The following ARRB1 variants were observed in gnomAD, a reference collection of about 807,000 sequenced individuals.
The protein encoded by ARRB1 is arrestin beta 1.
A neutral mutation model predicts 56.8 loss-of-function variants in ARRB1; 21 were observed. The ratio of observed to expected loss-of-function variants is 0.37; its 90% CI spans 0.26 to 0.53. The LOEUF (loss-of-function observed/expected upper bound fraction) is 0.53, where lower values mean the gene tolerates loss of function less well. Among genes scored for constraint, ARRB1 ranks in the 20% least tolerant of loss-of-function variants. ARRB1 has a pLI of 0.88. For synonymous variants in ARRB1, 210 were observed against 218.6 expected (o/e 0.96, Z 0.35); for missense variants, 424 against 553.7 (o/e 0.77, Z 2.35).
chr11:75,311,567 C>T (rs1947159758), intron 1 of ARRB1, among the ~76,000 whole-genome samples: 1 of 152,244 alleles, frequency 6.6e-6, no homozygotes, highest in African/African-American at 2.4e-5. Context: ...GCAGACTGCA[C>T]ATTTCAAAAA....
intron 2 of ARRB1, 124 bp from the exon 3 acceptor site, chr11:75,287,499 T>C: frequency 2.1e-6 from 2 of 935,438 alleles, no homozygotes; most frequent in Non-Finnish European, 3.1e-6. Flanking sequence ...CTTATCAAAA[T>C]CCTAAGTGGA....
chr11:75,306,635 G>A (rs1018958509), intron 1 of ARRB1: 3 of 1,288,980 alleles, frequency 2.3e-6, no homozygotes, highest in Non-Finnish European at 3.0e-6. Flanking sequence ...GGACTGTGAG[G>A]TGGAGGGAGC....
At chr11:75,339,738 G>A (rs1279648461) in intron 1 of ARRB1, among the ~76,000 whole-genome samples, 1 of 152,170 alleles carries the variant, frequency 6.6e-6, no homozygotes, top group African/African-American at 2.4e-5. Context: ...CATCTGAGCA[G>A]CATGAGGGCA....
At position 75,326,835 on chromosome 11, in the gene ARRB1, G is replaced by C. The variant is rs544749476; in HGVS notation, c.20+24753C>G. 2.7e-5 allele frequency among the ~76,000 whole-genome samples: 4 copies of C among 149,720 alleles called. No individual in the cohort carries two copies. In the South Asian group the frequency reaches 8.5e-4, roughly 32 times the overall value. On this transcript the variant is annotated intron_variant, in intron 1 of 15. Transcript: ENST00000420843. ...ACCTCCTACCTCAGCCTCTCGAGTA[G>C]CTGGGACTACAGGCATGCCCCACCA...
chr11:75,340,306 C>T (rs1947675116), intron 1 of ARRB1, among the ~76,000 whole-genome samples: 2 of 152,228 alleles, frequency 1.3e-5, no homozygotes, highest in Admixed American at 1.3e-4. Flanking sequence ...ACCCCAGAGG[C>T]CTGCACTGAG....
rs777551690 is a variant in ARRB1 at position 75,281,912 on chromosome 11, G to A, written c.414+50C>T. On this transcript the variant is annotated intron_variant, in intron 6 of 15. Transcript: ENST00000420843. ...CCCAGGGAGAAAGCCAGGGACCTGG[G>A]GACATGAGACTCCTGGAGCCAGAGA... 5 of 1,583,252 alleles carry A rather than the reference G, an allele frequency of 3.2e-6. No individual in the cohort carries two copies. In the South Asian group the frequency reaches 5.5e-5, roughly 18 times the overall value.
chr11:75,348,622 G>T (rs1947806785), intron 1 of ARRB1, among the ~76,000 whole-genome samples: 1 of 151,414 alleles, frequency 6.6e-6, no homozygotes, highest in African/African-American at 2.4e-5. Flanking sequence ...TTTTCAGACA[G>T]GGTCTCACTC....
At chr11:75,280,161 C>G (rs918000986) in intron 7 of ARRB1, among the ~76,000 whole-genome samples, 4 of 152,264 alleles carry the variant, frequency 2.6e-5, no homozygotes, top group Admixed American at 2.6e-4. Flanking sequence ...ATGTCACCTC[C>G]TCTTTCTTGT....
At chr11:75,339,797 C>T (rs920230280) in intron 1 of ARRB1, among the ~76,000 whole-genome samples, 4 of 152,206 alleles carry the variant, frequency 2.6e-5, no homozygotes, top group Non-Finnish European at 5.9e-5. Flanking sequence ...GCACAGGGCC[C>T]GGGGTGTGGC....
rs1407621802 is a variant in ARRB1, at chr11:75,351,643, G to T, written c.-36C>A. 8 of 1,357,046 alleles carry T rather than the reference G, an allele frequency of 5.9e-6. No homozygotes were observed. Among genetic ancestry groups the T allele is most frequent in the Non-Finnish European group, 6.7e-6 (7 of 1,051,946 alleles). The allele number at this position is 1,357,046 out of a possible 1,614,324, so 84.1% of individuals were successfully genotyped here. The stretch of plus-strand genomic sequence containing the variant: ...GGTCGCAGGGAGGTCCGCGGCGTCA[G>T]CGCCCAGGCTGGAAAATCCCCAGCC... On this transcript the variant is annotated 5_prime_UTR_variant, in exon 1 of 16. The change creates a new upstream start codon in the 5' untranslated region. Coordinates refer to ENST00000420843, the MANE Select transcript of ARRB1 (RefSeq NM_004041.5).
At chr11:75,282,388 G>A (rs536463392) in intron 5 of ARRB1, among the ~76,000 whole-genome samples, 132 of 152,320 alleles carry the variant, frequency 8.7e-4, no homozygotes, top group African/African-American at 1.7e-3. Flanking sequence ...GATGGGGACC[G>A]TATCCTGGAT....
chr11:75,345,326 G>T (rs1947748826), intron 1 of ARRB1, among the ~76,000 whole-genome samples: 1 of 152,000 alleles, frequency 6.6e-6, no homozygotes, highest in African/African-American at 2.4e-5. Flanking sequence ...GGCGGGAGGG[G>T]GCTGGGACAA....
At chr11:75,306,760 TACGCGTCC>T (rs1211573549) in intron 1 of ARRB1, 1 of 1,008,284 alleles carries the variant, frequency 9.9e-7, no homozygotes, top group Non-Finnish European at 1.3e-6. Context: ...GCGTTCCTGA[TACGCGTCC>T]TGTTTCCTCT....
intron 1 of ARRB1, among the ~76,000 whole-genome samples, chr11:75,310,415 GA>G (rs1947131612): frequency 1.3e-5 from 2 of 152,196 alleles, no homozygotes; most frequent in African/African-American, 4.8e-5. Context: ...TAGCAGGGGG[GA>G]AAAGGTATAA....
intron 1 of ARRB1, among the ~76,000 whole-genome samples, chr11:75,350,146 C>T (rs1264677429): frequency 6.6e-6 from 1 of 152,238 alleles, no homozygotes; most frequent in Non-Finnish European, 1.5e-5. Context: ...TGGAAATAAT[C>T]TCTGCAAGCC....
intron 1 of ARRB1, among the ~76,000 whole-genome samples, chr11:75,338,304 G>A (rs1947641694): frequency 6.6e-6 from 1 of 152,176 alleles, no homozygotes; most frequent in African/African-American, 2.4e-5. Context: ...ACAGCAACTA[G>A]AAGACAATTG....
At chr11:75,308,585 A>G (rs930069275) in intron 1 of ARRB1, among the ~76,000 whole-genome samples, 1 of 152,158 alleles carries the variant, frequency 6.6e-6, no homozygotes, top group African/African-American at 2.4e-5. Flanking sequence ...CTCTACTAAA[A>G]ATAAAAAAAA....
At chr11:75,282,171 C>T in intron 5 of ARRB1, 150 bp from the exon 6 acceptor site, 2 of 715,770 alleles carry the variant, frequency 2.8e-6, no homozygotes, top group East Asian at 2.8e-5. Flanking sequence ...CAAGCCATGC[C>T]CCATCTAAAA....
intron 1 of ARRB1, among the ~76,000 whole-genome samples, chr11:75,327,530 C>T (rs1947459145): frequency 6.6e-6 from 1 of 151,368 alleles, no homozygotes; most frequent in Non-Finnish European, 1.5e-5. Flanking sequence ...TTTTAGGAGG[C>T]CAAGACAGGA....
Sources: allele counts gnomAD v4.1 joint callset (sites outside exome capture counted in the v4.1 genomes callset), GRCh38; gene constraint gnomAD v4.1.1; transcripts MANE v1.5; gene names NCBI Gene and HGNC (gene_info 2026-07-23, HGNC 2026-07-21).